NFIB: variants seen among roughly 807,000 people sequenced by gnomAD.
The protein encoded by NFIB is nuclear factor I B, also known as nuclear factor 1 B-type.
Under a neutral mutation model 61.5 loss-of-function variants are expected in NFIB, and 11 were observed. The ratio of observed to expected loss-of-function variants is 0.18; its 90% CI spans 0.11 to 0.30. The LOEUF (loss-of-function observed/expected upper bound fraction) is 0.30. Among genes scored for constraint, NFIB ranks in the 10% least tolerant of loss-of-function variants. The pLI, the probability that NFIB is intolerant of heterozygous loss-of-function variation, is 1.00. For synonymous variants in NFIB, 260 were observed against 216.5 expected, an observed-to-expected ratio of 1.20 and a Z score of -1.76; for missense variants, 471 against 608.9, an observed-to-expected ratio of 0.77 and a Z score of 2.38.
the NFIB span, among the ~76,000 whole-genome samples, chr9:14,494,504 C>T: frequency 2.0e-5 from 3 of 152,178 alleles, no homozygotes; most frequent in Admixed American, 2.0e-4. Context: ...GGACTGGCTT[C>T]CTGAGGCCTC....
chr9:14,458,253 C>G, the NFIB span, among the ~76,000 whole-genome samples: 3 of 152,146 alleles, frequency 2.0e-5, no homozygotes, highest in African/African-American at 7.2e-5. Context: ...TAAACAGAAC[C>G]AGTGACAAAA....
At chr9:14,114,617 G>C (rs946746043) in intron 9 of NFIB, among the ~76,000 whole-genome samples, 1 of 152,146 alleles carries the variant, frequency 6.6e-6, no homozygotes, top group East Asian at 1.9e-4. Flanking sequence ...AATTTTACTA[G>C]TCAAATCAGA....
At chr9:14,220,506 A>ACC (rs1325018464) in intron 2 of NFIB, among the ~76,000 whole-genome samples, 2 of 152,062 alleles carry the variant, frequency 1.3e-5, no homozygotes, top group Admixed American at 6.5e-5. Flanking sequence ...TTTCGACCAT[A>ACC]CCTAGAGCAC....
chr9:14,323,256 A>G (rs903786953), intron 1 of NFIB, among the ~76,000 whole-genome samples: 2 of 152,218 alleles, frequency 1.3e-5, no homozygotes, highest in African/African-American at 4.8e-5. Context: ...CCAAAGAGAT[A>G]ATACAACCCC....
the NFIB span, among the ~76,000 whole-genome samples, chr9:14,527,695 G>A: frequency 6.6e-6 from 1 of 152,046 alleles, no homozygotes; most frequent in Non-Finnish European, 1.5e-5. Context: ...AAATTTTATA[G>A]TTTCAAATTC....
intron 2 of NFIB, among the ~76,000 whole-genome samples, chr9:14,227,150 A>AG (rs1263129839): frequency 6.6e-6 from 1 of 151,804 alleles, no homozygotes; most frequent in Non-Finnish European, 1.5e-5. Context: ...TCAAAAAAAA[A>AG]AAAAAAAAGA....
At chr9:14,480,873 A>G in the NFIB span, among the ~76,000 whole-genome samples, 1 of 152,084 alleles carries the variant, frequency 6.6e-6, no homozygotes, top group Non-Finnish European at 1.5e-5. Flanking sequence ...CAGCTTTTGC[A>G]TCACTCCTGC....
At chr9:14,089,723 G>A (rs957886657) in intron 10 of NFIB, among the ~76,000 whole-genome samples, 3 of 152,078 alleles carry the variant, frequency 2.0e-5, no homozygotes, top group Non-Finnish European at 2.9e-5. Flanking sequence ...CACTATTGTT[G>A]TAGCTATCAA....
rs1020856138 is a variant in NFIB, at chr9:14,086,471, C to T, written c.*1838G>A. The T allele has an allele frequency of 1.8e-4, 38 of 212,396 alleles. No homozygotes were observed. The highest frequency in any genetic ancestry group is 1.9e-4 in the Non-Finnish European group (20 of 105,140). 13.2% of individuals were successfully genotyped at this position (212,396 alleles called of 1,614,324 possible). A position where few individuals can be genotyped will look rare whatever the true frequency, so the allele number is the denominator to read the frequency against. ...AGGCAAAACTTGGTATTGCATAATT[C>T]GTATAAATTTGAAACCCCTCCCCCC... On this transcript the variant is annotated 3_prime_UTR_variant, in exon 11 of 11. Transcript: ENST00000380953.
At chr9:14,338,202 G>A (rs2132866459) in intron 1 of NFIB, among the ~76,000 whole-genome samples, 1 of 152,236 alleles carries the variant, frequency 6.6e-6, no homozygotes, top group Non-Finnish European at 1.5e-5. Flanking sequence ...AGACCATCCT[G>A]TCTAACACGG....
chr9:14,347,498 T>C (rs2061040905), intron 1 of NFIB: 1 of 152,328 alleles, frequency 6.6e-6, no homozygotes, highest in African/African-American at 2.4e-5. Context: ...CTTTGGAAAG[T>C]TTAGGTAGCG....
At chr9:14,507,897 T>C in the NFIB span, among the ~76,000 whole-genome samples, 1 of 151,922 alleles carries the variant, frequency 6.6e-6, no homozygotes, top group Non-Finnish European at 1.5e-5. Flanking sequence ...AATTTTTCTT[T>C]CTATGTGACA....
intron 1 of NFIB, among the ~76,000 whole-genome samples, chr9:14,388,245 C>A (rs1785025013): frequency 6.6e-6 from 1 of 151,954 alleles, no homozygotes; most frequent in Admixed American, 6.6e-5. Flanking sequence ...TGGTGGTATG[C>A]ACCTGTAGTC....
At chr9:14,119,605 C>T (rs886483738) in intron 8 of NFIB, among the ~76,000 whole-genome samples, 4 of 152,022 alleles carry the variant, frequency 2.6e-5, no homozygotes, top group Non-Finnish European at 5.9e-5. Flanking sequence ...GAAAATTCTC[C>T]AAAATATTAA....
intron 2 of NFIB, among the ~76,000 whole-genome samples, chr9:14,196,076 T>TC (rs1304610132): frequency 6.7e-6 from 1 of 150,010 alleles, no homozygotes; most frequent in Non-Finnish European, 1.5e-5. Flanking sequence ...AAATGAAGGA[T>TC]TTTTTTTTTC....
At chr9:14,216,680 T>C (rs538863816) in intron 2 of NFIB, among the ~76,000 whole-genome samples, 1 of 152,164 alleles carries the variant, frequency 6.6e-6, no homozygotes, top group South Asian at 2.1e-4. Flanking sequence ...AAAGGACTCA[T>C]GTCACCACAG....
At chr9:14,298,792 G>A (rs1404928036) in intron 2 of NFIB, among the ~76,000 whole-genome samples, 2 of 152,202 alleles carry the variant, frequency 1.3e-5, no homozygotes, top group Non-Finnish European at 2.9e-5. Context: ...ACAAGTCAAG[G>A]TCAAGGGATT....
the NFIB span, among the ~76,000 whole-genome samples, chr9:14,463,605 C>G: frequency 6.7e-6 from 1 of 149,344 alleles, no homozygotes; most frequent in Admixed American, 6.7e-5. Flanking sequence ...TCTGCATTTT[C>G]TGGGATGTAA....
chr9:14,431,113 C>A, the NFIB span, among the ~76,000 whole-genome samples: 14 of 152,288 alleles, frequency 9.2e-5, no homozygotes, highest in South Asian at 2.7e-3. Context: ...TGGGCTTTAA[C>A]ATTTCTGAAA....
Sources: allele counts gnomAD v4.1 joint callset (sites outside exome capture counted in the v4.1 genomes callset), GRCh38; gene constraint gnomAD v4.1.1; transcripts MANE v1.5; gene names NCBI Gene and HGNC (gene_info 2026-07-23, HGNC 2026-07-21).